Variants in DPH6 observed in about 807,000 individuals in gnomAD.
DPH6 encodes the protein diphthine--ammonia ligase.
In DPH6, 33 loss-of-function variants were observed where a neutral mutation model predicts 38.2. The ratio of observed to expected loss-of-function variants is 0.86; its 90% CI spans 0.65 to 1.15. The LOEUF (loss-of-function observed/expected upper bound fraction) is 1.15, where lower values mean the gene tolerates loss of function less well. DPH6 is among the 50% of genes most tolerant of loss of function. The probability of loss-of-function intolerance (pLI) is 0.00; values close to 1 mark genes in which losing one functional copy is unlikely to be tolerated. For synonymous variants in DPH6, 108 were observed against 103.0 expected, an observed-to-expected ratio of 1.05 and a Z score of -0.30; for missense variants, 325 against 320.0, an observed-to-expected ratio of 1.02 and a Z score of -0.12.
chr15:35,344,274 C>G (rs2052444756), intron 3 of DPH6, among the ~76,000 whole-genome samples: 2 of 151,954 alleles, frequency 1.3e-5, no homozygotes, highest in Admixed American at 6.6e-5. Context: ...AAAATGTTCT[C>G]TGCCTTTAGA....
chr15:35,356,865 T>C (rs970526768), intron 3 of DPH6, among the ~76,000 whole-genome samples: 1 of 152,240 alleles, frequency 6.6e-6, no homozygotes, highest in Non-Finnish European at 1.5e-5. Context: ...TGTTTGGCTA[T>C]GCCCTGCCCC....
At chr15:35,397,051 T>C (rs1472750607) in intron 6 of DPH6, among the ~76,000 whole-genome samples, 1 of 152,232 alleles carries the variant, frequency 6.6e-6, no homozygotes, top group Non-Finnish European at 1.5e-5. Context: ...GATCTAATCT[T>C]TTATGAGGTA....
chr15:35,417,469 T>C (rs997475568), intron 5 of DPH6, among the ~76,000 whole-genome samples: 2 of 151,868 alleles, frequency 1.3e-5, no homozygotes, highest in African/African-American at 4.8e-5. Context: ...TATTTCTCAA[T>C]AGACTTACTT....
chr15:35,201,542 T>C, the DPH6 span, among the ~76,000 whole-genome samples: 2 of 152,012 alleles, frequency 1.3e-5, no homozygotes, highest in African/African-American at 2.4e-5. Flanking sequence ...ACTAAAGGCA[T>C]ACCTGTACAT....
At chr15:35,364,668 A>T (rs1032563558) in intron 3 of DPH6, among the ~76,000 whole-genome samples, 2 of 152,148 alleles carry the variant, frequency 1.3e-5, no homozygotes, top group East Asian at 3.9e-4. Flanking sequence ...CTTTGAAAGT[A>T]GCCTGTTTTT....
chr15:35,498,005 G>A (rs1048983358), intron 3 of DPH6, among the ~76,000 whole-genome samples: 1 of 152,150 alleles, frequency 6.6e-6, no homozygotes, highest in Non-Finnish European at 1.5e-5. Flanking sequence ...CTAGAAGGAA[G>A]ACTATGCAAT....
At chr15:35,172,322 C>T in the DPH6 span, among the ~76,000 whole-genome samples, 30 of 152,240 alleles carry the variant, frequency 2.0e-4, no homozygotes, top group African/African-American at 5.8e-4. Flanking sequence ...TATACGCTAC[C>T]GACAAGCAAT....
At chr15:35,281,689 G>A (rs2051900420) in intron 3 of DPH6, among the ~76,000 whole-genome samples, 2 of 152,170 alleles carry the variant, frequency 1.3e-5, no homozygotes, top group African/African-American at 4.8e-5. Context: ...AAAGGCTCCA[G>A]TCATACATTC....
downstream of DPH6, among the ~76,000 whole-genome samples, chr15:35,370,667 C>T (rs566719816): frequency 2.6e-5 from 4 of 151,730 alleles, no homozygotes; most frequent in East Asian, 5.8e-4. Flanking sequence ...TGGCAAAAGT[C>T]CAAAATTCCT....
intron 6 of DPH6, among the ~76,000 whole-genome samples, chr15:35,384,259 T>C (rs959395647): frequency 1.3e-5 from 2 of 151,500 alleles, no homozygotes; most frequent in Admixed American, 6.5e-5. Context: ...AACAGATTTT[T>C]GAAAAGTTTA....
At chr15:35,191,946 GCTC>G in the DPH6 span, among the ~76,000 whole-genome samples, 10 of 152,072 alleles carry the variant, frequency 6.6e-5, no homozygotes, top group African/African-American at 2.4e-4. Flanking sequence ...TAACTCCTGT[GCTC>G]CTCAACTGCA....
intron 3 of DPH6, among the ~76,000 whole-genome samples, chr15:35,292,981 A>G (rs2051989965): frequency 6.6e-6 from 1 of 152,154 alleles, no homozygotes; most frequent in Admixed American, 6.5e-5. Flanking sequence ...ATTATCTCAT[A>G]TTTTAATAAT....
intron 3 of DPH6, among the ~76,000 whole-genome samples, chr15:35,324,739 G>T (rs1450911661): frequency 6.6e-6 from 1 of 151,960 alleles, no homozygotes; most frequent in Non-Finnish European, 1.5e-5. Flanking sequence ...ACAAAAAAGA[G>T]GCATGAGGCA....
intron 3 of DPH6, among the ~76,000 whole-genome samples, chr15:35,507,095 A>T (rs921932766): frequency 1.3e-5 from 2 of 151,774 alleles, no homozygotes; most frequent in Non-Finnish European, 1.5e-5. Flanking sequence ...TCTTATGAAC[A>T]CAGACTTTGA....
rs545754637 is a variant in DPH6, at chr15:35,388,485, T to C, written c.568-6569A>G. Among the ~76,000 whole-genome samples the C allele has an allele frequency of 3.9e-5, 6 of 152,310 alleles. 1 individual carries two copies. Among genetic ancestry groups the C allele is most frequent in the African/African-American group, 1.4e-4 (6 of 41,582 alleles). On this transcript the variant is annotated intron_variant, in intron 6 of 8. Transcript: ENST00000256538. ...TCCATCTGGTCCTGGACTGTTTTTA[T>C]TGGTAAGCTATTAATTATTGCCTCA...
chr15:35,402,225 T>C (rs1419145856), intron 6 of DPH6, among the ~76,000 whole-genome samples: 1 of 152,194 alleles, frequency 6.6e-6, no homozygotes, highest in Admixed American at 6.5e-5. Context: ...ATATACAACC[T>C]GCTTGTGTGG....
intron 6 of DPH6, chr15:35,401,471 A>T (rs780603883): frequency 5.0e-5 from 39 of 773,300 alleles, no homozygotes; most frequent in Non-Finnish European, 8.9e-5. Flanking sequence ...GGACAGGGTT[A>T]TGGAAACCAG....
the DPH6 span, among the ~76,000 whole-genome samples, chr15:35,198,070 T>C: frequency 6.6e-6 from 1 of 151,820 alleles, no homozygotes; most frequent in Non-Finnish European, 1.5e-5. Context: ...CAAGCCCTGC[T>C]GGCTTTATTT....
intron 3 of DPH6, chr15:35,237,987 A>C: frequency 2.7e-6 from 4 of 1,470,790 alleles, no homozygotes; most frequent in Non-Finnish European, 3.8e-6. Flanking sequence ...GAGGAAGATG[A>C]AGAAGAGCTC....
Sources: gnomAD v4.1 joint callset for allele counts (sites outside exome capture counted in the v4.1 genomes callset) on GRCh38, gnomAD v4.1.1 for gene constraint, MANE v1.5 for transcripts, NCBI Gene and HGNC (gene_info 2026-07-23, HGNC 2026-07-21) for gene names.